CNTN4: variants seen among roughly 807,000 people sequenced by gnomAD.
CNTN4 encodes contactin 4.
Under a neutral mutation model 122.5 loss-of-function variants are expected in CNTN4, and 77 were observed. The ratio of observed to expected loss-of-function variants is 0.63; its 90% CI spans 0.52 to 0.76. The LOEUF (loss-of-function observed/expected upper bound fraction) is 0.76, where lower values mean the gene tolerates loss of function less well. CNTN4 is among the 30% of genes least tolerant of loss of function. CNTN4 has a pLI of 0.00. For synonymous variants in CNTN4, 512 were observed against 447.0 expected (o/e 1.15, Z -1.83); for missense variants, 1,256 against 1,259.1 (o/e 1.00, Z 0.04).
At position 2,311,846 on chromosome 3, in the gene CNTN4, C is replaced by T. The variant is rs191508058; in HGVS notation, c.-144-27332C>T. On this transcript the variant is annotated intron_variant, in intron 2 of 24. Transcript: ENST00000418658. ...GTTTTCCAAGCAATTACGTTTCCTT[C>T]TTAAAACTCTTTGTCCTTCATTTAA... Among the ~76,000 whole-genome samples the T allele has an allele frequency of 8.5e-5, 13 of 152,202 alleles. No individual in the cohort carries two copies. The East Asian group carries it at 2.1e-3, about 25-fold the overall frequency.
At chr3:3,050,825 T>C (rs1343887722) in intron 23 of CNTN4, among the ~76,000 whole-genome samples, 1 of 147,760 alleles carries the variant, frequency 6.8e-6, no homozygotes, top group Non-Finnish European at 1.5e-5. Flanking sequence ...GAATGCAGGA[T>C]CCGCCACTTA....
chr3:2,287,898 C>T (rs17011866), intron 2 of CNTN4, among the ~76,000 whole-genome samples: 2 of 151,930 alleles, frequency 1.3e-5, no homozygotes, highest in Admixed American at 1.3e-4. Flanking sequence ...TGCAAGAATA[C>T]AAAACTAATA....
chr3:2,555,438 C>T (rs2078680386), intron 3 of CNTN4, among the ~76,000 whole-genome samples: 1 of 152,152 alleles, frequency 6.6e-6, no homozygotes, highest in Non-Finnish European at 1.5e-5. Context: ...GAGACCGTGT[C>T]TCTCCCTTTA....
intron 13 of CNTN4, among the ~76,000 whole-genome samples, chr3:2,931,407 A>G (rs2094519184): frequency 6.6e-6 from 1 of 152,048 alleles, no homozygotes; most frequent in Non-Finnish European, 1.5e-5. Context: ...CAAGACTGAG[A>G]GGGGGCAAAT....
Position 2,814,082 on chromosome 3 carries a change from T to C in CNTN4, c.359-5404T>C, listed in dbSNP as rs866972347. On this transcript the variant is annotated intron_variant, in intron 6 of 24. Transcript: ENST00000418658. The stretch of plus-strand genomic sequence containing the variant: ...CCATAGGAGAATAAAGGACAGCTGT[T>C]TTCACAAATATGATATGAAAACACA... Among the ~76,000 whole-genome samples the C allele has an allele frequency of 1.2e-4, 19 of 152,194 alleles. 1 individual carries two copies. Among genetic ancestry groups the C allele is most frequent in the African/African-American group, 3.4e-4 (14 of 41,456 alleles).
chr3:2,709,346 T>TA lies in CNTN4; in HGVS notation c.56-26863dup, dbSNP rs1236538716. 6.6e-6 allele frequency among the ~76,000 whole-genome samples: 1 copy of TA among 152,134 alleles called. No individual in the cohort carries two copies. Among genetic ancestry groups the TA allele is most frequent in the Non-Finnish European group, 1.5e-5 (1 of 68,014 alleles). ...CATATTAGAATCATCTGGGGGTCCT[T>TA]AAAAAATACTGATGCGTAGGTCTCA... On this transcript the variant is annotated intron_variant, in intron 4 of 24. Transcript: ENST00000418658. This position sits in a 1 kb window ranked among gnomAD's most constrained non-coding sequence, Gnocchi z 5.0.
At chr3:2,591,658 C>T (rs2080499067) in intron 4 of CNTN4, among the ~76,000 whole-genome samples, 1 of 151,434 alleles carries the variant, frequency 6.6e-6, no homozygotes, top group Admixed American at 6.6e-5. Flanking sequence ...GCCACCGCGC[C>T]CGGCCGATTT....
chr3:2,403,599 T>G (rs1320875159), intron 3 of CNTN4, among the ~76,000 whole-genome samples: 1 of 152,158 alleles, frequency 6.6e-6, no homozygotes, highest in Non-Finnish European at 1.5e-5. Flanking sequence ...AAATTAGTAG[T>G]CTAGGCTAAT....
intron 6 of CNTN4, among the ~76,000 whole-genome samples, chr3:2,767,429 G>A (rs2090910294): frequency 1.3e-5 from 2 of 152,102 alleles, no homozygotes; most frequent in Admixed American, 1.3e-4. Context: ...TAAAATAAAC[G>A]AATTGTTTGC....
At chr3:2,782,492 TGTG>T (rs1238515758) in intron 6 of CNTN4, among the ~76,000 whole-genome samples, 2 of 151,182 alleles carry the variant, frequency 1.3e-5, no homozygotes, top group African/African-American at 4.9e-5. Flanking sequence ...TGTGTGTGTG[TGTG>T]TGTGTGTGTG....
At chr3:2,780,572 C>T (rs1423821406) in intron 6 of CNTN4, among the ~76,000 whole-genome samples, 1 of 152,146 alleles carries the variant, frequency 6.6e-6, no homozygotes, top group African/African-American at 2.4e-5. Context: ...CCATGTCTGC[C>T]ATTGAGTTCC....
At chr3:2,231,859 G>A (rs888965883) in intron 2 of CNTN4, among the ~76,000 whole-genome samples, 1 of 152,074 alleles carries the variant, frequency 6.6e-6, no homozygotes, top group African/African-American at 2.4e-5. Context: ...TTGCAATTCA[G>A]ATTGCAAGGA....
At chr3:2,474,038 G>C (rs1044617239) in intron 3 of CNTN4, among the ~76,000 whole-genome samples, 8 of 151,632 alleles carry the variant, frequency 5.3e-5, no homozygotes, top group African/African-American at 1.9e-4. Flanking sequence ...ATATTGCCAA[G>C]TCTTCCTCAT....
At chr3:2,517,307 T>C (rs927276708) in intron 3 of CNTN4, among the ~76,000 whole-genome samples, 3 of 152,098 alleles carry the variant, frequency 2.0e-5, no homozygotes, top group African/African-American at 7.2e-5. Context: ...TCAGTAGATA[T>C]TGATAAATAT....
intron 23 of CNTN4, 75 bp from the exon 24 acceptor site, chr3:3,053,732 G>A: frequency 2.0e-6 from 3 of 1,516,090 alleles, no homozygotes; most frequent in Non-Finnish European, 2.7e-6. Context: ...GCCCAGAGGT[G>A]AAAACAAATG....
At chr3:2,827,493 G>C (rs1020809675) in intron 7 of CNTN4, among the ~76,000 whole-genome samples, 1 of 152,182 alleles carries the variant, frequency 6.6e-6, no homozygotes, top group Non-Finnish European at 1.5e-5. Context: ...CATCTTTGGA[G>C]ATATGTGATT....
intron 13 of CNTN4, among the ~76,000 whole-genome samples, chr3:2,932,896 C>G (rs910364499): frequency 6.6e-6 from 1 of 152,054 alleles, no homozygotes; most frequent in Admixed American, 6.6e-5. Context: ...GATCTCGGCT[C>G]CCTGCGAGCT....
chr3:2,728,071 C>T (rs928558089), intron 4 of CNTN4, among the ~76,000 whole-genome samples: 1 of 152,130 alleles, frequency 6.6e-6, no homozygotes, highest in Admixed American at 6.5e-5. Flanking sequence ...TTGAACATGC[C>T]TTGCTGTCTG....
At chr3:2,197,437 C>T (rs1474397864) in intron 2 of CNTN4, among the ~76,000 whole-genome samples, 1 of 152,200 alleles carries the variant, frequency 6.6e-6, no homozygotes, top group East Asian at 1.9e-4. Flanking sequence ...GAGTACATAT[C>T]ATGTGCCAGG....
Sources: allele counts gnomAD v4.1 joint callset (sites outside exome capture counted in the v4.1 genomes callset), GRCh38; gene constraint gnomAD v4.1.1; non-coding constraint Gnocchi (gnomAD v3.1); transcripts MANE v1.5; gene names NCBI Gene and HGNC (gene_info 2026-07-23, HGNC 2026-07-21).